Variants in EMB observed in about 807,000 individuals in gnomAD.
EMB encodes embigin homolog.
Under a neutral mutation model 41.4 loss-of-function variants are expected in EMB, and 31 were observed. The ratio of observed to expected loss-of-function variants is 0.75; its 90% CI spans 0.56 to 1.01. The LOEUF is 1.01. Among genes scored for constraint, EMB ranks in the 50% least tolerant of loss-of-function variants. The probability of loss-of-function intolerance (pLI) is 0.00; values close to 1 mark genes in which losing one functional copy is unlikely to be tolerated. For synonymous variants in EMB, 137 were observed against 140.4 expected, an observed-to-expected ratio of 0.98 and a Z score of 0.17; for missense variants, 379 against 388.3, an observed-to-expected ratio of 0.98 and a Z score of 0.20.
At chr5:50,415,642 C>A (rs952750709) in intron 2 of EMB, among the ~76,000 whole-genome samples, 7 of 152,094 alleles carry the variant, frequency 4.6e-5, no homozygotes, top group Admixed American at 2.6e-4. Context: ...AGAGATGAGG[C>A]AAAGAGAGGC....
At chr5:50,422,615 A>G (rs947840523) in intron 2 of EMB, among the ~76,000 whole-genome samples, 3 of 152,232 alleles carry the variant, frequency 2.0e-5, no homozygotes, top group African/African-American at 7.2e-5. Context: ...ACATAAAACT[A>G]TATCATAAAT....
rs1438753678 is a variant in EMB at position 50,398,692 on chromosome 5, C to T, written c.*581G>A. On this transcript the variant is annotated 3_prime_UTR_variant, in exon 9 of 9. Transcript: ENST00000303221. Reference sequence around the variant, plus strand: ...ACAGTTTTATTTATTTGCCTTAAACCAATATTTCCGGATAAAAGGTATATT... The same window carrying T: ...ACAGTTTTATTTATTTGCCTTAAACTAATATTTCCGGATAAAAGGTATATT... 6.6e-6 allele frequency: 1 copy of T among 151,922 alleles called. No homozygotes were observed. The highest frequency in any genetic ancestry group is 1.9e-4 in the East Asian group (1 of 5,168). 9.4% of individuals were successfully genotyped at this position (151,922 alleles called of 1,614,324 possible).
chr5:50,396,587 G>A lies in EMB; in HGVS notation c.*2686C>T, dbSNP rs1745069647. The A allele has an allele frequency of 6.6e-6, 1 of 152,124 alleles. No individual in the cohort carries two copies. 9.4% of individuals were successfully genotyped at this position (152,124 alleles called of 1,614,324 possible). A position where few individuals can be genotyped will look rare whatever the true frequency, so the allele number is the denominator to read the frequency against. ...GGTAGAAGTGTGAAGAGCACTTTCT[G>A]AGCGGAATCTCCATGTGCCAAGTCT... On this transcript the variant is annotated 3_prime_UTR_variant, in exon 9 of 9. Transcript: ENST00000303221.
chr5:50,438,455 A>T (rs1471181117), intron 1 of EMB, among the ~76,000 whole-genome samples: 5 of 152,210 alleles, frequency 3.3e-5, no homozygotes. Context: ...GAAAGGAGAA[A>T]AATGTTCTAG....
intron 5 of EMB, among the ~76,000 whole-genome samples, chr5:50,404,330 G>A (rs1745214988): frequency 6.6e-6 from 1 of 151,896 alleles, no homozygotes; most frequent in African/African-American, 2.4e-5. Context: ...ACACTGCCTG[G>A]AATGTTTGGT....
At chr5:50,427,988 A>C (rs1234216708) in intron 2 of EMB, among the ~76,000 whole-genome samples, 156 bp downstream of exon 2, 1 of 152,162 alleles carries the variant, frequency 6.6e-6, no homozygotes, top group Non-Finnish European at 1.5e-5. Flanking sequence ...AAACGTCCTC[A>C]CCACATTAGA....
intron 1 of EMB, among the ~76,000 whole-genome samples, chr5:50,428,965 AG>A (rs1745668608): frequency 6.6e-6 from 1 of 152,034 alleles, no homozygotes; most frequent in Non-Finnish European, 1.5e-5. Context: ...GCATGGTCTC[AG>A]ATCTCTGCAA....
chr5:50,410,900 TG>T lies in EMB; in HGVS notation c.448del (p.Gln150LysfsTer19), dbSNP rs1217733377. The T allele has an allele frequency of 1.2e-6, 2 of 1,605,032 alleles. No individual in the cohort carries two copies. Among genetic ancestry groups the T allele is most frequent in the African/African-American group, 2.7e-5 (2 of 74,476 alleles). ...ACCTTTGAAATTAAATGTTCCCCTT[TG>T]TTCCTTTTCCTCTCGAAAGAAACAA... ...YSCFFREEKEQRGTFNFKVPE... is the reference protein window; with the variant it reads ...YSCFFREEKEXRGTFNFKVPE... On this transcript the variant is annotated frameshift_variant, in exon 4 of 9. Coordinates refer to ENST00000303221, the MANE Select transcript of EMB (RefSeq NM_198449.3). LOFTEE classifies it high-confidence loss of function.
intron 1 of EMB, among the ~76,000 whole-genome samples, chr5:50,436,500 C>T (rs1411750473): frequency 1.3e-5 from 2 of 152,222 alleles, no homozygotes; most frequent in Non-Finnish European, 2.9e-5. Context: ...CCCACTCAGG[C>T]TCCAACCTCC....
intron 5 of EMB, among the ~76,000 whole-genome samples, chr5:50,404,534 T>C (rs1468969034): frequency 1.3e-5 from 2 of 151,930 alleles, no homozygotes; most frequent in Non-Finnish European, 2.9e-5. Context: ...TAATGACTAG[T>C]ATAGCAATGG....
intron 2 of EMB, among the ~76,000 whole-genome samples, chr5:50,423,878 G>A (rs1382546617): frequency 6.6e-6 from 1 of 152,136 alleles, no homozygotes; most frequent in Non-Finnish European, 1.5e-5. Flanking sequence ...AGGAAACACT[G>A]GGAATCTTTT....
chr5:50,411,303 A>C lies in EMB; in HGVS notation c.277T>G (p.Ser93Ala). 1 of 1,613,144 alleles carries C rather than the reference A, an allele frequency of 6.2e-7. No individual in the cohort carries two copies. ...NVNLTCQFTTSGDLNAVNVTW... is the reference protein window; with the variant it reads ...NVNLTCQFTTAGDLNAVNVTW... ...ACATTTACTGCATTCAAATCCCCAG[A>C]TGTTGTGAACTGGCATGTGAGATTT... Residue 93 changes from serine to alanine, a missense_variant, in exon 3 of 9, where the codon TCT becomes GCT. By Grantham distance (99) the Ser-to-Ala change is moderately conservative. Coordinates refer to ENST00000303221, the MANE Select transcript of EMB (RefSeq NM_198449.3).
chr5:50,419,414 C>T (rs1745479526), intron 2 of EMB, among the ~76,000 whole-genome samples: 2 of 152,052 alleles, frequency 1.3e-5, no homozygotes, highest in Admixed American at 1.3e-4. Flanking sequence ...TCATTTGATT[C>T]CCCAGTACAA....
rs1745195115 is a variant in EMB at position 50,403,255 on chromosome 5, A to G, written c.800T>C (p.Ile267Thr). 1.2e-6 allele frequency: 2 copies of G among 1,612,664 alleles called. No individual in the cohort carries two copies. Among genetic ancestry groups the G allele is most frequent in the Non-Finnish European group, 1.7e-6 (2 of 1,179,134 alleles). ...YLVPLKPFLV[I>T]VAEVILLVAT... ...CACTAAAAGAATCACCTCAGCCACT[A>G]TTACAAGAAATGGTTTGAGGGGCAC... The change falls in exon 6 of 9, where the codon ATA becomes ACA. Residue 267 changes from isoleucine to threonine, a missense_variant. Ile to Thr is a moderately conservative substitution (Grantham distance 89, BLOSUM62 -1). Transcript: ENST00000303221.
intron 1 of EMB, among the ~76,000 whole-genome samples, chr5:50,440,208 G>T (rs374478011): frequency 6.6e-6 from 1 of 152,212 alleles, no homozygotes; most frequent in East Asian, 1.9e-4. Context: ...TGGCTAGTTG[G>T]TTATGATGTT....
intron 3 of EMB, 87 bp from the exon 4 acceptor site, chr5:50,411,052 A>C: frequency 8.2e-7 from 1 of 1,220,370 alleles, no homozygotes; most frequent in Non-Finnish European, 1.1e-6. Context: ...AAAAATTTAA[A>C]AAGAGAAATA....
intron 6 of EMB, 34 bp from the exon 7 acceptor site, chr5:50,402,353 T>C (rs537675754): frequency 5.0e-5 from 79 of 1,593,132 alleles, no homozygotes; most frequent in Non-Finnish European, 6.7e-5. Flanking sequence ...ACTGTGAAGT[T>C]GGTTTGTCAC....
In EMB at chr5:50,441,129, A is replaced by G; in HGVS notation, c.23T>C (p.Leu8Pro). 1.3e-6 allele frequency: 2 copies of G among 1,507,854 alleles called. No homozygotes were observed. The highest frequency in any genetic ancestry group is 1.8e-6 in the Non-Finnish European group (2 of 1,132,160). 93.4% of individuals were successfully genotyped at this position (1,507,854 alleles called of 1,614,324 possible). Residue 8 changes from leucine to proline, a missense_variant, in exon 1 of 9, where the codon CTG (leucine) becomes CCG (proline). Physicochemically the swap from Leu to Pro is moderately conservative, Grantham distance 98 (BLOSUM62 -3). Transcript: ENST00000303221. The stretch of plus-strand genomic sequence containing the variant: ...CCGGGGCGTACGCGCCCTGGCCTCC[A>G]GCAGGCCGGGGAGGGCGCGCATGGC... MRALPGL[L>P]EARARTPRLL...
At chr5:50,425,311 G>C (rs953626232) in intron 2 of EMB, among the ~76,000 whole-genome samples, 2 of 152,030 alleles carry the variant, frequency 1.3e-5, no homozygotes, top group Admixed American at 1.3e-4. Flanking sequence ...GGCTCACAAG[G>C]ACCTTGTGGG....
Sources: allele counts gnomAD v4.1 joint callset (sites outside exome capture counted in the v4.1 genomes callset), GRCh38; gene constraint gnomAD v4.1.1; transcripts MANE v1.5; gene names NCBI Gene and HGNC (gene_info 2026-07-23, HGNC 2026-07-21).